TOGARAM1: variants seen among roughly 807,000 people sequenced by gnomAD.
TOGARAM1 encodes TOG array regulator of axonemal microtubules 1, also known as TOG array regulator of axonemal microtubules protein 1.
TOGARAM1 carries 100 observed loss-of-function variants against 166.6 expected under a neutral mutation model. The observed-to-expected ratio is 0.60, with a 90% CI of 0.51 to 0.71. TOGARAM1 has a LOEUF of 0.71. Among genes scored for constraint, TOGARAM1 ranks in the 30% least tolerant of loss-of-function variants. The pLI is 0.00. For synonymous variants in TOGARAM1, 758 were observed against 763.8 expected (o/e 0.99, Z 0.13); for missense variants, 2,029 against 2,102.7 (o/e 0.96, Z 0.69).
intron 3 of TOGARAM1, among the ~76,000 whole-genome samples, chr14:45,003,328 C>T (rs1410017871): frequency 6.6e-6 from 1 of 151,202 alleles, no homozygotes; most frequent in African/African-American, 2.4e-5. Context: ...TAAGGGAACC[C>T]CTAAAAGATT....
At chr14:44,973,483 G>A (rs1206659829) in intron 1 of TOGARAM1, among the ~76,000 whole-genome samples, 1 of 151,248 alleles carries the variant, frequency 6.6e-6, no homozygotes, top group Non-Finnish European at 1.5e-5. Context: ...ATACATTGTT[G>A]CTATTATTAT....
intron 14 of TOGARAM1, among the ~76,000 whole-genome samples, chr14:45,050,279 G>A (rs1171900201): frequency 1.3e-5 from 2 of 152,110 alleles, no homozygotes; most frequent in South Asian, 2.1e-4. Context: ...TGGAGACAGG[G>A]TCTTGCTCTT....
At chr14:45,049,816 C>T (rs1256295880) in intron 14 of TOGARAM1, among the ~76,000 whole-genome samples, 2 of 152,012 alleles carry the variant, frequency 1.3e-5, no homozygotes, top group African/African-American at 4.8e-5. Context: ...GTTCTTTTCT[C>T]CCTCTCTATC....
Position 45,073,351 on chromosome 14 carries a change from G to C in TOGARAM1, c.5112G>C (p.Leu1704Phe), listed in dbSNP as rs767136082. Residue 1704 changes from leucine (L) to phenylalanine (F), a missense_variant, in exon 20 of 20, where the codon TTG becomes TTC. This residue lies in a region of TOGARAM1 where 576 missense variants were observed against 670.5 expected (regional missense o/e 0.86). Transcript: ENST00000361462. ...RKPHATEQKV[L>F]VVLWHLLGNM... ...CGCATGCCACAGAGCAGAAAGTGTT[G>C]GTTGTTTTATGGCATCTCTTAGGAA... 3 of 1,614,116 alleles carry C rather than the reference G, an allele frequency of 1.9e-6. No homozygotes were observed. The highest frequency in any genetic ancestry group is 2.5e-6 in the Non-Finnish European group (3 of 1,180,024).
At chr14:44,975,419 CTCCATAT>C (rs1886123795) in intron 1 of TOGARAM1, among the ~76,000 whole-genome samples, 1 of 152,092 alleles carries the variant, frequency 6.6e-6, no homozygotes, top group Non-Finnish European at 1.5e-5. Flanking sequence ...TCCATATTTT[CTCCATAT>C]TCCATATTCT....
intron 16 of TOGARAM1, among the ~76,000 whole-genome samples, chr14:45,062,567 C>T (rs975745135): frequency 6.6e-6 from 1 of 152,112 alleles, no homozygotes; most frequent in African/African-American, 2.4e-5. Flanking sequence ...AACTTAGGAT[C>T]GTTCAACTTA....
intron 11 of TOGARAM1, among the ~76,000 whole-genome samples, chr14:45,038,387 A>G (rs1224696942): frequency 6.6e-6 from 1 of 152,212 alleles, no homozygotes; most frequent in East Asian, 1.9e-4. Flanking sequence ...TCCCATGCCT[A>G]CAAAGGGTGA....
intron 2 of TOGARAM1, among the ~76,000 whole-genome samples, chr14:44,998,823 C>T (rs960132411): frequency 5.4e-4 from 82 of 151,944 alleles, no homozygotes; most frequent in African/African-American, 1.8e-3. Flanking sequence ...ATTCATCTTC[C>T]CAGGAATAAC....
intron 13 of TOGARAM1, among the ~76,000 whole-genome samples, chr14:45,045,583 A>ATATATGTG (rs1431167583): frequency 5.3e-5 from 2 of 37,472 alleles, no homozygotes; most frequent in African/African-American, 1.3e-4. Context: ...ATATATATAT[A>ATATATGTG]TGTGTGTGTG....
At chr14:45,047,577 TG>T (rs1162364778) in intron 14 of TOGARAM1, among the ~76,000 whole-genome samples, 2 of 152,096 alleles carry the variant, frequency 1.3e-5, no homozygotes, top group East Asian at 3.9e-4. Context: ...GATGATATAA[TG>T]GCTGTGGTGG....
chr14:45,056,581 A>G (rs1266272366), intron 16 of TOGARAM1, among the ~76,000 whole-genome samples: 1 of 152,132 alleles, frequency 6.6e-6, no homozygotes, highest in Admixed American at 6.6e-5. Flanking sequence ...TGAAGTGATG[A>G]TGAATTTTAT....
rs1886285674 is a variant in TOGARAM1 at position 44,977,711 on chromosome 14, T to G, written c.2046+13244T>G. On this transcript the variant is annotated intron_variant, in intron 1 of 19. Transcript: ENST00000361462. ...TGGAGTGCAGTCGTATGAGCTGCAC[T>G]TGCAGCTCACTGCAACTTCCACCTC... Among the ~76,000 whole-genome samples, 7 of 151,904 alleles carry G rather than the reference T, an allele frequency of 4.6e-5. No homozygotes were observed. In the South Asian group the frequency reaches 1.5e-3, roughly 32 times the overall value.
chr14:45,034,231 C>T (rs1399346542), intron 11 of TOGARAM1, among the ~76,000 whole-genome samples: 1 of 152,166 alleles, frequency 6.6e-6, no homozygotes, highest in Non-Finnish European at 1.5e-5. Context: ...AGATGTTGAT[C>T]TCTGAGAGAC....
At chr14:45,065,869 G>T (rs1468869543) in intron 16 of TOGARAM1, among the ~76,000 whole-genome samples, 1 of 152,182 alleles carries the variant, frequency 6.6e-6, no homozygotes, top group Non-Finnish European at 1.5e-5. Flanking sequence ...CAACGGGCAA[G>T]GAAGCTGTTC....
intron 1 of TOGARAM1, among the ~76,000 whole-genome samples, chr14:44,977,144 C>G (rs1241570509): frequency 1.3e-5 from 2 of 151,436 alleles, no homozygotes; most frequent in Non-Finnish European, 2.9e-5. Flanking sequence ...TCTTCATATT[C>G]TGCTTTATAT....
intron 2 of TOGARAM1, chr14:44,996,274 AC>A (rs946104307): frequency 1.3e-5 from 2 of 153,588 alleles, no homozygotes; most frequent in African/African-American, 4.8e-5. Flanking sequence ...ATGAAGGAAA[AC>A]AAAGCGAAAG....
chr14:44,971,700 T>TA (rs1487920503), intron 1 of TOGARAM1, among the ~76,000 whole-genome samples: 2 of 152,226 alleles, frequency 1.3e-5, no homozygotes, highest in Non-Finnish European at 2.9e-5. Flanking sequence ...AAATTTCCTC[T>TA]AGGCACCGCT....
rs1214794187 is a variant in TOGARAM1 at position 44,963,637 on chromosome 14, T to G, written c.1216T>G (p.Ser406Ala). The change falls in exon 1 of 20, where the codon TCT (serine) becomes GCT (alanine). Residue 406 changes from serine (S) to alanine (A), a missense_variant. By Grantham distance (99) the Ser-to-Ala change is moderately conservative (BLOSUM62 1). Coordinates refer to ENST00000361462, the MANE Select transcript of TOGARAM1 (RefSeq NM_001308120.2). ...TTTGCTATATAATTTGTTAGACGAT[T>G]CTAACTTCAAAGTGGTGCATGGCAC... The part of the protein sequence containing the change: ...ISLLYNLLDD[S>A]NFKVVHGTLE... 4 of 1,613,278 alleles carry G rather than the reference T, an allele frequency of 2.5e-6. No homozygotes were observed. Among genetic ancestry groups the G allele is most frequent in the Non-Finnish European group, 3.4e-6 (4 of 1,180,010 alleles).
chr14:44,975,810 AT>A (rs892208326), intron 1 of TOGARAM1, among the ~76,000 whole-genome samples: 61 of 117,408 alleles, frequency 5.2e-4, no homozygotes, highest in South Asian at 2.7e-3. Flanking sequence ...GGTTTGAACC[AT>A]TTTTTTTTTT....
Sources: gnomAD v4.1 joint callset for allele counts (sites outside exome capture counted in the v4.1 genomes callset) on GRCh38, gnomAD v4.1.1 for gene constraint, gnomAD v4.1.1 regional missense constraint, MANE v1.5 for transcripts, NCBI Gene and HGNC (gene_info 2026-07-23, HGNC 2026-07-21) for gene names.